MTUS1: variants seen among roughly 807,000 people sequenced by gnomAD.
MTUS1 encodes microtubule-associated tumor suppressor 1.
A neutral mutation model predicts 120.8 loss-of-function variants in MTUS1; 109 were observed. The observed-to-expected ratio is 0.90, with a 90% CI of 0.77 to 1.06. The LOEUF (loss-of-function observed/expected upper bound fraction) is 1.06, where lower values mean the gene tolerates loss of function less well. Among genes scored for constraint, MTUS1 ranks in the 50% least tolerant of loss-of-function variants. MTUS1 has a pLI of 0.00. For missense variants in MTUS1, 2,210 were observed against 1,486.3 expected, an observed-to-expected ratio of 1.49 and a Z score of -8.01; for synonymous variants, 737 against 550.5, an observed-to-expected ratio of 1.34 and a Z score of -4.74.
intron 7 of MTUS1, among the ~76,000 whole-genome samples, chr8:17,679,503 A>C (rs1217477517): frequency 1.7e-4 from 16 of 91,528 alleles, no homozygotes; most frequent in Non-Finnish European, 3.6e-4. Context: ...TTATTTATTT[A>C]TTTATTTATT....
chr8:17,801,393 G>A (rs1214732355), upstream of MTUS1: 3 of 151,928 alleles, frequency 2.0e-5, no homozygotes, highest in Admixed American at 2.0e-4. Context: ...CTCGCTGCGG[G>A]AGACCAAGGC....
Position 17,753,978 on chromosome 8 carries a change from C to G in MTUS1, c.1830G>C (p.Ser610=), listed in dbSNP as rs754296950. The G allele has an allele frequency of 2.5e-6, 4 of 1,614,146 alleles. No homozygotes were observed. The highest frequency in any genetic ancestry group is 2.2e-5 in the South Asian group (2 of 91,082). Residue 610 remains serine, a synonymous_variant, in exon 2 of 15, where the codon TCG becomes TCC. Coordinates refer to ENST00000693296, the MANE Select transcript of MTUS1 (RefSeq NM_001363059.2). Reference sequence around the variant, plus strand: ...TGGCTTTGTCAACATCTTCCTGATTCGATTTCACGGCAGATGTTGTTCTTG... The same window carrying G: ...TGGCTTTGTCAACATCTTCCTGATTGGATTTCACGGCAGATGTTGTTCTTG... ...RVPRTTSAVK[S]NQEDVDKASS... is the part of the protein sequence containing the mutation.
intron 1 of MTUS1, among the ~76,000 whole-genome samples, chr8:17,787,067 G>C (rs2051361178): frequency 6.6e-6 from 1 of 152,184 alleles, no homozygotes; most frequent in Non-Finnish European, 1.5e-5. Context: ...ACATCATAAG[G>C]GCTGGTGAGA....
intron 7 of MTUS1, among the ~76,000 whole-genome samples, chr8:17,683,949 C>T (rs933766664): frequency 6.6e-6 from 1 of 152,106 alleles, no homozygotes; most frequent in Non-Finnish European, 1.5e-5. Flanking sequence ...ATATAACTAA[C>T]GTCATTTTTC....
At chr8:17,667,337 G>C (rs527948284) in intron 8 of MTUS1, among the ~76,000 whole-genome samples, 1 of 152,236 alleles carries the variant, frequency 6.6e-6, no homozygotes, top group South Asian at 2.1e-4. Flanking sequence ...CCTACTTCAA[G>C]AAAAGTCACT....
chr8:17,779,367 C>T (rs1459295480), intron 1 of MTUS1, among the ~76,000 whole-genome samples: 1 of 152,138 alleles, frequency 6.6e-6, no homozygotes, highest in South Asian at 2.1e-4. Context: ...TCAAGGAGTA[C>T]GTTCCTCCAA....
intron 6 of MTUS1, among the ~76,000 whole-genome samples, chr8:17,700,102 T>A (rs958696085): frequency 2.6e-5 from 4 of 152,072 alleles, no homozygotes; most frequent in Non-Finnish European, 5.9e-5. Context: ...CCAAGGACAG[T>A]AGAGGAAAAA....
chr8:17,750,296 A>G (rs2048091999), intron 2 of MTUS1, among the ~76,000 whole-genome samples: 1 of 152,334 alleles, frequency 6.6e-6, no homozygotes, highest in South Asian at 2.1e-4. Context: ...ACAAACTAAC[A>G]AAGATCTTCT....
intron 4 of MTUS1, chr8:17,721,707 C>T: frequency 6.5e-7 from 1 of 1,549,642 alleles, no homozygotes; most frequent in Non-Finnish European, 8.7e-7. Flanking sequence ...AAATCGTCGA[C>T]CTACTTTTTT....
intron 1 of MTUS1, among the ~76,000 whole-genome samples, chr8:17,779,583 T>A (rs904545428): frequency 6.6e-6 from 1 of 152,110 alleles, no homozygotes; most frequent in Non-Finnish European, 1.5e-5. Context: ...TCACTCACTC[T>A]CTCTCTCACC....
intron 1 of MTUS1, among the ~76,000 whole-genome samples, chr8:17,790,007 C>G (rs1426738856): frequency 6.6e-6 from 1 of 152,080 alleles, no homozygotes; most frequent in African/African-American, 2.4e-5. Flanking sequence ...AATTACCTGC[C>G]GCTCAGTAGC....
At chr8:17,782,033 G>C (rs416504) in intron 1 of MTUS1, among the ~76,000 whole-genome samples, 97,641 of 152,116 alleles carry the variant, frequency 0.64, 34,523 homozygotes, top group Non-Finnish European at 0.8. Flanking sequence ...CAGACCCAAG[G>C]CTGGGCTCCC....
chr8:17,713,155 T>A, intron 6 of MTUS1, 59 bp downstream of exon 6: 1 of 1,298,636 alleles, frequency 7.7e-7, no homozygotes, highest in Non-Finnish European at 1.1e-6. Context: ...TAAATACTTG[T>A]AGTAACATAA....
chr8:17,775,215 C>A (rs1267073088), intron 1 of MTUS1, among the ~76,000 whole-genome samples: 1 of 151,898 alleles, frequency 6.6e-6, no homozygotes, highest in Non-Finnish European at 1.5e-5. Context: ...GCCACTGAAC[C>A]GTACACTCAA....
Position 17,754,606 on chromosome 8 carries a change from G to C in MTUS1, c.1202C>G (p.Pro401Arg). Reference protein sequence around the residue: ...HTSELILSSPPGQKVGSSFGL... With the variant: ...HTSELILSSPRGQKVGSSFGL... Reference sequence around the variant, plus strand: ...AAATGACGAGCCCACCTTTTGTCCTGGCGGGCTACTTAGAATCAATTCTGA... The same window carrying C: ...AAATGACGAGCCCACCTTTTGTCCTCGCGGGCTACTTAGAATCAATTCTGA... The change falls in exon 2 of 15, where the codon CCA becomes CGA. Residue 401 changes from proline to arginine, a missense_variant. Coordinates refer to ENST00000693296, the MANE Select transcript of MTUS1 (RefSeq NM_001363059.2). The C allele has an allele frequency of 6.2e-7, 1 of 1,614,134 alleles. No homozygotes were observed. The highest frequency in any genetic ancestry group is 8.5e-7 in the Non-Finnish European group (1 of 1,180,024).
intron 12 of MTUS1, among the ~76,000 whole-genome samples, chr8:17,651,410 G>T (rs190962196): frequency 7.4e-4 from 113 of 152,094 alleles, no homozygotes; most frequent in Non-Finnish European, 1.3e-3. Flanking sequence ...CCTGACTTGG[G>T]CATTACACAG....
intron 1 of MTUS1, among the ~76,000 whole-genome samples, chr8:17,778,088 A>T (rs184666002): frequency 2.6e-5 from 4 of 152,320 alleles, no homozygotes; most frequent in African/African-American, 9.6e-5. Context: ...TTAAACTAGG[A>T]AGAAAAATCT....
chr8:17,791,316 G>A (rs905804018), intron 1 of MTUS1, among the ~76,000 whole-genome samples: 2 of 152,148 alleles, frequency 1.3e-5, no homozygotes, highest in African/African-American at 2.4e-5. Context: ...ATTTCACTAT[G>A]CTTAAAAGAT....
Position 17,753,865 on chromosome 8 carries a change from G to A in MTUS1, c.1943C>T (p.Ala648Val). Residue 648 changes from alanine to valine, a missense_variant, in exon 2 of 15, where the codon GCA becomes GTA. By Grantham distance (64) the Ala-to-Val change is moderately conservative. Coordinates refer to ENST00000693296, the MANE Select transcript of MTUS1 (RefSeq NM_001363059.2). ...KGILPVKMESAECLEMTYVPN... is the reference protein window; with the variant it reads ...KGILPVKMESVECLEMTYVPN... ...AACATAGGTCATTTCCAAACATTCTGCACTTTCCATTTTAACAGGGAGTAT... is the reference window on the plus strand; with the variant it reads ...AACATAGGTCATTTCCAAACATTCTACACTTTCCATTTTAACAGGGAGTAT... The A allele has an allele frequency of 2.5e-6, 4 of 1,614,010 alleles. No individual in the cohort carries two copies. Among genetic ancestry groups the A allele is most frequent in the Middle Eastern group, 1.6e-4 (1 of 6,062 alleles).
Sources: gnomAD v4.1 joint callset for allele counts (sites outside exome capture counted in the v4.1 genomes callset) on GRCh38, gnomAD v4.1.1 for gene constraint, MANE v1.5 for transcripts, NCBI Gene and HGNC (gene_info 2026-07-23, HGNC 2026-07-21) for gene names.